ARHGAP26: variants seen among roughly 807,000 people sequenced by gnomAD.
The protein encoded by ARHGAP26 is Rho GTPase activating protein 26.
Under a neutral mutation model 104.8 loss-of-function variants are expected in ARHGAP26, and 38 were observed. That is an observed-to-expected ratio of 0.36 (90% CI 0.28 to 0.48). The LOEUF is 0.48. Ranked by LOEUF, ARHGAP26 falls within the 20% of genes least tolerant of loss-of-function variation. ARHGAP26 has a pLI of 0.99. For missense variants in ARHGAP26, 704 were observed against 947.9 expected (o/e 0.74, Z 3.38); for synonymous variants, 341 against 340.0 (o/e 1.00, Z -0.03).
At chr5:142,826,037 G>A (rs1767192028) in intron 1 of ARHGAP26, among the ~76,000 whole-genome samples, 1 of 152,138 alleles carries the variant, frequency 6.6e-6, no homozygotes, top group African/African-American at 2.4e-5. Context: ...GTTAACCCAG[G>A]GAAAATTACT....
chr5:142,875,470 G>A (rs566614540), intron 3 of ARHGAP26, among the ~76,000 whole-genome samples: 17 of 152,128 alleles, frequency 1.1e-4, no homozygotes, highest in African/African-American at 3.9e-4. Flanking sequence ...TTTTTTGGGC[G>A]TCGGATTCTC....
intron 12 of ARHGAP26, among the ~76,000 whole-genome samples, chr5:143,022,460 T>C (rs1341457611): frequency 4.6e-5 from 7 of 152,218 alleles, no homozygotes; most frequent in Non-Finnish European, 8.8e-5. Flanking sequence ...TTTATTTTTA[T>C]AGGAGTATTC....
At chr5:142,809,094 G>C (rs1191598109) in intron 1 of ARHGAP26, among the ~76,000 whole-genome samples, 1 of 152,192 alleles carries the variant, frequency 6.6e-6, no homozygotes, top group Non-Finnish European at 1.5e-5. Context: ...ACTTAGTTGA[G>C]TGCAACTGCA....
At chr5:143,078,474 G>T (rs1331706256) in intron 17 of ARHGAP26, among the ~76,000 whole-genome samples, 1 of 152,120 alleles carries the variant, frequency 6.6e-6, no homozygotes, top group Non-Finnish European at 1.5e-5. Context: ...CTGATGGACC[G>T]TGCTAGAGAA....
At chr5:142,824,007 G>A (rs942800222) in intron 1 of ARHGAP26, among the ~76,000 whole-genome samples, 5 of 152,168 alleles carry the variant, frequency 3.3e-5, no homozygotes, top group African/African-American at 1.2e-4. Context: ...GTTTGGGGAC[G>A]ACTTCACTTA....
chr5:142,824,900 G>T (rs1294963689), intron 1 of ARHGAP26, among the ~76,000 whole-genome samples: 1 of 152,214 alleles, frequency 6.6e-6, no homozygotes, highest in African/African-American at 2.4e-5. Context: ...AATATATATT[G>T]AGGATCATCT....
intron 2 of ARHGAP26, 49 bp downstream of exon 2, chr5:142,873,544 C>G (rs376354527): frequency 9.3e-6 from 12 of 1,284,124 alleles, no homozygotes; most frequent in African/African-American, 7.7e-5. Flanking sequence ...TTTGTCATAG[C>G]CTTCAGTGTC....
At chr5:143,091,725 A>G (rs1290740556) in intron 17 of ARHGAP26, among the ~76,000 whole-genome samples, 1 of 152,148 alleles carries the variant, frequency 6.6e-6, no homozygotes, top group Non-Finnish European at 1.5e-5. Context: ...ACCTTTTATA[A>G]TTTTTGTTAA....
rs530805707 is a variant in ARHGAP26 at position 143,162,311 on chromosome 5, A to G, written c.1988+14930A>G. 7.5e-5 allele frequency among the ~76,000 whole-genome samples: 11 copies of G among 147,400 alleles called. No homozygotes were observed. In the South Asian group the frequency reaches 2.4e-3, roughly 32 times the overall value. On this transcript the variant is annotated intron_variant, in intron 20 of 22. Transcript: ENST00000645722. ...CACACACACACACACACACACACAC[A>G]CGCAATCCCCTTTCCCATTTTTCCC...
At chr5:142,872,473 T>C (rs1290887927) in intron 1 of ARHGAP26, among the ~76,000 whole-genome samples, 1 of 152,186 alleles carries the variant, frequency 6.6e-6, no homozygotes, top group Admixed American at 6.5e-5. Flanking sequence ...ATGATTAGCC[T>C]AATCTGCAGG....
At chr5:142,967,203 A>G (rs578235584) in intron 11 of ARHGAP26, among the ~76,000 whole-genome samples, 1 of 152,198 alleles carries the variant, frequency 6.6e-6, no homozygotes, top group African/African-American at 2.4e-5. Context: ...AAACAGAACG[A>G]TAAAAATTGA....
At chr5:142,919,614 C>T (rs1562080856) in intron 10 of ARHGAP26, among the ~76,000 whole-genome samples, 1 of 152,174 alleles carries the variant, frequency 6.6e-6, no homozygotes, top group African/African-American at 2.4e-5. Context: ...CTTCACAAAG[C>T]AGCCCATTCA....
rs1293009257 is a variant in ARHGAP26 at position 143,224,778 on chromosome 5, G to C, written c.*2332G>C. ...CTCTTCCCTTTCACCTCCAATTCCC[G>C]TGATCCCAAAAGAAGAGGAAGACTC... On this transcript the variant is annotated 3_prime_UTR_variant, in exon 23 of 23. Coordinates refer to ENST00000645722, the MANE Select transcript of ARHGAP26 (RefSeq NM_001135608.3). 4.4e-6 allele frequency: 1 copy of C among 227,360 alleles called. No homozygotes were observed. The highest frequency in any genetic ancestry group is 8.7e-6 in the Non-Finnish European group (1 of 114,528). The allele number at this position is 227,360 out of a possible 1,614,324, so 14.1% of individuals were successfully genotyped here.
At chr5:142,853,393 G>A (rs1004646685) in intron 1 of ARHGAP26, among the ~76,000 whole-genome samples, 2 of 152,022 alleles carry the variant, frequency 1.3e-5, no homozygotes, top group Non-Finnish European at 2.9e-5. Context: ...GTTTCACCAT[G>A]TTGGCCGGGC....
chr5:143,011,011 G>C (rs1778642117), intron 11 of ARHGAP26: 1 of 152,216 alleles, frequency 6.6e-6, no homozygotes, highest in South Asian at 2.1e-4. Context: ...GCTGGTCTTA[G>C]CTATTACACT....
chr5:142,865,333 G>A (rs7725895), intron 1 of ARHGAP26, among the ~76,000 whole-genome samples: 25,333 of 152,066 alleles, frequency 0.17, 3,131 homozygotes, highest in East Asian at 0.5. Flanking sequence ...GAAGAGGTCA[G>A]GTGCTTTCAC....
At chr5:142,948,472 G>A (rs1435222732) in intron 11 of ARHGAP26, among the ~76,000 whole-genome samples, 1 of 151,536 alleles carries the variant, frequency 6.6e-6, no homozygotes, top group Non-Finnish European at 1.5e-5. Context: ...TTGAATTTAT[G>A]AAAAATATAT....
chr5:143,074,258 TG>T (rs1396559984), intron 17 of ARHGAP26, among the ~76,000 whole-genome samples: 1 of 152,184 alleles, frequency 6.6e-6, no homozygotes, highest in Non-Finnish European at 1.5e-5. Flanking sequence ...TATTATTTTG[TG>T]TGTGTGTTTC....
intron 11 of ARHGAP26, among the ~76,000 whole-genome samples, chr5:142,977,090 A>G (rs1773205485): frequency 6.6e-6 from 1 of 152,210 alleles, no homozygotes; most frequent in South Asian, 2.1e-4. Flanking sequence ...GCCCAACCAC[A>G]CAGACAGAGC....
Sources: gnomAD v4.1 joint callset for allele counts (sites outside exome capture counted in the v4.1 genomes callset) on GRCh38, gnomAD v4.1.1 for gene constraint, MANE v1.5 for transcripts, NCBI Gene and HGNC (gene_info 2026-07-23, HGNC 2026-07-21) for gene names.